The following PLA2G5 variants were observed in gnomAD, a reference collection of about 807,000 sequenced individuals.
PLA2G5 encodes Ca2+-dependent phospholipase A2.
PLA2G5 carries 12 observed loss-of-function variants against 15.9 expected under a neutral mutation model. The ratio of observed to expected loss-of-function variants is 0.76; its 90% CI spans 0.48 to 1.23. The LOEUF is 1.23. Ranked by LOEUF, PLA2G5 falls within the 50% of genes most tolerant of loss-of-function variation. The pLI, the probability that PLA2G5 is intolerant of heterozygous loss-of-function variation, is 0.00. For synonymous variants in PLA2G5, 71 were observed against 71.4 expected (o/e 0.99, Z 0.03); for missense variants, 169 against 177.1 (o/e 0.95, Z 0.26).
chr1:20,070,569 CA>C (rs1266642332), intron 1 of PLA2G5, 104 bp downstream of exon 1: 2 of 663,248 alleles, frequency 3.0e-6, no homozygotes, highest in Non-Finnish European at 3.7e-6. Flanking sequence ...AGAGGAGGCC[CA>C]GGGGGAGGTG....
intron 1 of PLA2G5, among the ~76,000 whole-genome samples, chr1:20,028,945 GAC>G (rs1235771767): frequency 6.6e-6 from 1 of 152,218 alleles, no homozygotes; most frequent in Non-Finnish European, 1.5e-5. Context: ...CTGACCCCAC[GAC>G]AGTGTCTAGG....
At chr1:20,042,499 C>T (rs564221796) in intron 1 of PLA2G5, among the ~76,000 whole-genome samples, 2 of 152,062 alleles carry the variant, frequency 1.3e-5, no homozygotes, top group African/African-American at 4.8e-5. Flanking sequence ...ACCGCACAGC[C>T]CTGCACTTTG....
At chr1:20,083,683 T>C (rs757816977) in intron 1 of PLA2G5, among the ~76,000 whole-genome samples, 5 of 151,670 alleles carry the variant, frequency 3.3e-5, no homozygotes, top group Admixed American at 6.6e-5. Flanking sequence ...AGGTAGAGCA[T>C]GAGAAGGAAC....
chr1:20,035,504 G>C (rs2013195864), intron 1 of PLA2G5, among the ~76,000 whole-genome samples: 1 of 152,224 alleles, frequency 6.6e-6, no homozygotes, highest in South Asian at 2.1e-4. Flanking sequence ...AAATGGTGCA[G>C]TTTGGGCTAA....
In PLA2G5 at chr1:20,075,857, G is replaced by T. The variant is rs1431476938; in HGVS notation, c.-11+5392G>T. Among the ~76,000 whole-genome samples the T allele has an allele frequency of 2.0e-5, 3 of 148,952 alleles. No homozygotes were observed. The Admixed American group carries it at 2.0e-4, about 10-fold the overall frequency. Reference sequence around the variant, plus strand: ...CTGGAAATGGAAATGTGGAAATGTGGATTTCTTTCTCTTTTTTTTTTTTTT... The same window carrying T: ...CTGGAAATGGAAATGTGGAAATGTGTATTTCTTTCTCTTTTTTTTTTTTTT... On this transcript the variant is annotated intron_variant, in intron 1 of 4. Transcript: ENST00000375108.
intron 1 of PLA2G5, among the ~76,000 whole-genome samples, chr1:20,041,469 G>A (rs534058647): frequency 5.7e-4 from 87 of 152,300 alleles, no homozygotes; most frequent in Middle Eastern, 3.4e-3. Context: ...CTGACTGTGG[G>A]CATGTGAGTA....
At chr1:20,060,779 G>A (rs1047008731) in intron 2 of PLA2G5, among the ~76,000 whole-genome samples, 1 of 150,796 alleles carries the variant, frequency 6.6e-6, no homozygotes, top group Non-Finnish European at 1.5e-5. Flanking sequence ...TTGTTGCCCA[G>A]GCTGGAGTGC....
intron 1 of PLA2G5, among the ~76,000 whole-genome samples, chr1:20,035,463 CG>C (rs1251132172): frequency 2.0e-5 from 3 of 152,150 alleles, no homozygotes; most frequent in African/African-American, 7.2e-5. Context: ...TTCACTTTGA[CG>C]AAGGTCTGCA....
At chr1:20,081,362 T>C (rs770930606) in intron 1 of PLA2G5, among the ~76,000 whole-genome samples, 6 of 151,868 alleles carry the variant, frequency 4.0e-5, no homozygotes, top group Non-Finnish European at 7.4e-5. Flanking sequence ...GTGGGTTTTC[T>C]CCAGGTATGG....
At chr1:20,060,356 C>A (rs1296308157) in intron 2 of PLA2G5, among the ~76,000 whole-genome samples, 1 of 144,434 alleles carries the variant, frequency 6.9e-6, no homozygotes, top group Admixed American at 7.2e-5. Context: ...CAGATTCAAG[C>A]GATTCTCCTG....
rs1251293322 is a variant in PLA2G5, at chr1:20,064,564, G to C, written n.338-4309G>C. ...TACTTTAGCCTGGGTGACAGAGCGA[G>C]ACTCCATCTCAAAAAAGGAAAAAAA... On this transcript the variant is annotated intron_variant and non_coding_transcript_variant, in intron 2 of 6. Coordinates refer to the PLA2G5 transcript ENST00000460175. 5.4e-5 allele frequency among the ~76,000 whole-genome samples: 8 copies of C among 148,692 alleles called. No homozygotes were observed. In the Admixed American group the frequency reaches 5.4e-4, roughly 10 times the overall value.
intron 1 of PLA2G5, among the ~76,000 whole-genome samples, chr1:20,052,976 G>A (rs9426624): frequency 0.48 from 73,669 of 151,904 alleles, 18,808 homozygotes; most frequent in African/African-American, 0.63. Flanking sequence ...CTTTTCTTTG[G>A]GTAGTCCCAC....
intron 2 of PLA2G5, among the ~76,000 whole-genome samples, chr1:20,064,470 G>C (rs1251936094): frequency 6.6e-6 from 1 of 152,086 alleles, no homozygotes; most frequent in Non-Finnish European, 1.5e-5. Flanking sequence ...AGCTACATGG[G>C]AGGCTGAGGT....
At chr1:20,063,093 G>A (rs970362058) in intron 2 of PLA2G5, among the ~76,000 whole-genome samples, 2 of 152,176 alleles carry the variant, frequency 1.3e-5, no homozygotes, top group African/African-American at 4.8e-5. Context: ...CTACTCTGGA[G>A]GGTGAGGTGG....
chr1:20,087,803 C>A (rs576412231), intron 3 of PLA2G5, among the ~76,000 whole-genome samples: 1 of 151,908 alleles, frequency 6.6e-6, no homozygotes, highest in Non-Finnish European at 1.5e-5. Context: ...CTTAAATAAA[C>A]GCAAACAAAA....
intron 1 of PLA2G5, among the ~76,000 whole-genome samples, chr1:20,047,716 C>A (rs2013980883): frequency 9.9e-6 from 1 of 101,366 alleles, no homozygotes; most frequent in Admixed American, 1.1e-4. Flanking sequence ...GCTATAGGAT[C>A]TTTGTGTGTG....
At chr1:20,084,925 G>T in intron 2 of PLA2G5, 55 bp downstream of exon 2, 1 of 1,279,684 alleles carries the variant, frequency 7.8e-7, no homozygotes, top group South Asian at 1.2e-5. Flanking sequence ...GGAGTAACAG[G>T]GTGGTGAAAA....
upstream of PLA2G5, among the ~76,000 whole-genome samples, chr1:20,065,785 G>T (rs2014994288): frequency 6.6e-6 from 1 of 152,098 alleles, no homozygotes; most frequent in African/African-American, 2.4e-5. Context: ...AGCTCTGTTG[G>T]GTAAATACTT....
upstream of PLA2G5, chr1:20,068,867 TG>T: frequency 9.1e-7 from 1 of 1,104,334 alleles, no homozygotes; most frequent in Non-Finnish European, 1.2e-6. Context: ...TGTTGCCTCC[TG>T]GAAGCCGCTG....
Sources: allele counts gnomAD v4.1 joint callset (sites outside exome capture counted in the v4.1 genomes callset), GRCh38; gene constraint gnomAD v4.1.1; transcripts MANE v1.5; gene names NCBI Gene and HGNC (gene_info 2026-07-23, HGNC 2026-07-21).